Variants in CCPG1 observed in about 807,000 individuals in gnomAD.
CCPG1 encodes the protein cell cycle progression 1.
In CCPG1, 46 loss-of-function variants were observed where a neutral mutation model predicts 81.3. That is an observed-to-expected ratio of 0.57 (90% CI 0.45 to 0.72). CCPG1 has a LOEUF of 0.72. CCPG1 is among the 30% of genes least tolerant of loss of function. The pLI is 0.00. For missense variants in CCPG1, 902 were observed against 937.6 expected, an observed-to-expected ratio of 0.96 and a Z score of 0.50; for synonymous variants, 330 against 305.2, an observed-to-expected ratio of 1.08 and a Z score of -0.85.
chr15:55,378,420 ACTCT>A (rs773818317), intron 3 of CCPG1, 44 bp from the exon 4 acceptor site: 2 of 1,274,634 alleles, frequency 1.6e-6, no homozygotes, highest in Admixed American at 3.8e-5. Context: ...TTAATTTAAA[ACTCT>A]CTGTTGACTT....
At chr15:55,404,875 T>C (rs1182372142) in intron 1 of CCPG1, among the ~76,000 whole-genome samples, 2 of 152,108 alleles carry the variant, frequency 1.3e-5, no homozygotes, top group Admixed American at 6.5e-5. Flanking sequence ...ATCGAGACCA[T>C]CCTGGCCATT....
chr15:55,368,564 G>C (rs1185916965), intron 6 of CCPG1, among the ~76,000 whole-genome samples: 1 of 152,158 alleles, frequency 6.6e-6, no homozygotes, highest in Non-Finnish European at 1.5e-5. Context: ...CAAATCAATT[G>C]AACTCCATTG....
At position 55,360,490 on chromosome 15, in the gene CCPG1, CG is replaced by C. The variant is rs1566965839; in HGVS notation, c.1282del (p.Arg428GlyfsTer11). On this transcript the variant is annotated frameshift_variant, in exon 8 of 9. Transcript: ENST00000442196. LOFTEE classifies it high-confidence loss of function. ...CCGTTCCAGCTCAGTGAGTCTTTCC[CG>C]TAAGATTGCTATTTCCTTTTTTTCA... ...YTEKKEIAIL[R>X]ERLTELERKL... 1 of 1,614,056 alleles carries C rather than the reference CG, an allele frequency of 6.2e-7. No individual in the cohort carries two copies. Among genetic ancestry groups the C allele is most frequent in the Non-Finnish European group, 8.5e-7 (1 of 1,180,026 alleles).
chr15:55,386,278 T>C lies in CCPG1; in HGVS notation c.61-564A>G, dbSNP rs543955681. Reference sequence around the variant, plus strand: ...CCCATATGCAAATAACTACTTATTATGGCACTATAAACTAAAAATGGCTAA... The same window carrying C: ...CCCATATGCAAATAACTACTTATTACGGCACTATAAACTAAAAATGGCTAA... On this transcript the variant is annotated intron_variant, in intron 2 of 8. Coordinates refer to ENST00000442196, the MANE Select transcript of CCPG1 (RefSeq NM_001204450.2). 6.6e-5 allele frequency among the ~76,000 whole-genome samples: 10 copies of C among 152,170 alleles called. No individual in the cohort carries two copies. In the East Asian group the frequency reaches 1.7e-3, roughly 26 times the overall value.
intron 1 of CCPG1, among the ~76,000 whole-genome samples, chr15:55,391,893 G>GGGT (rs1193863893): frequency 8.9e-6 from 1 of 112,736 alleles, no homozygotes; most frequent in East Asian, 2.8e-4. Context: ...AAAAAGGGGG[G>GGGT]GGGGGGCTAG....
intron 5 of CCPG1, chr15:55,374,359 C>A (rs759206384): frequency 1.3e-5 from 7 of 532,276 alleles, no homozygotes; most frequent in African/African-American, 2.0e-5. Context: ...GTTATCCGTA[C>A]AAAATTAAAA....
At chr15:55,407,228 C>CAA (rs33932364) in intron 1 of CCPG1, among the ~76,000 whole-genome samples, 58,234 of 144,682 alleles carry the variant, frequency 0.4, 12,605 homozygotes, top group East Asian at 0.74. Context: ...AACCCTCTCT[C>CAA]AAAAAAAAAA....
rs780045988 is a variant in CCPG1 at position 55,371,830 on chromosome 15, C to T, written c.669G>A (p.Leu223=). ...CAAATCCCATGCTGATTGCAATCAC[C>T]AAAGCAAGTATAACACACTTATTGA... ...SGLNKCVILA[L]VIAISMGFGH... is the part of the protein sequence containing the mutation. The change falls in exon 6 of 9, where the codon TTG becomes TTA. Residue 223 remains leucine (L), a synonymous_variant. Coordinates refer to ENST00000442196, the MANE Select transcript of CCPG1 (RefSeq NM_001204450.2). 5.0e-6 allele frequency: 8 copies of T among 1,613,908 alleles called. No homozygotes were observed. In the Admixed American group the frequency reaches 5.0e-5, roughly 10 times the overall value.
Position 55,360,648 on chromosome 15 carries a change from C to G in CCPG1, c.1125G>C (p.Leu375=). Residue 375 remains leucine, a synonymous_variant, in exon 8 of 9, where the codon CTG becomes CTC. Transcript: ENST00000442196. ...KHSFLSQRET[L]LTEAKMLKRE... ...TCTTTAGCATCTTTGCTTCTGTCAA[C>G]AGAGTCTCCCTTTGACTAAGAAAGC... 1.9e-6 allele frequency: 3 copies of G among 1,614,146 alleles called. No individual in the cohort carries two copies. The highest frequency in any genetic ancestry group is 2.5e-6 in the Non-Finnish European group (3 of 1,180,030).
chr15:55,372,705 T>C (rs2056478338), intron 5 of CCPG1: 2 of 263,838 alleles, frequency 7.6e-6, no homozygotes, highest in Non-Finnish European at 1.5e-5. Context: ...ACAAGTATTA[T>C]TTCTGGAAAG....
At chr15:55,401,668 A>G (rs1312335238) in intron 1 of CCPG1, among the ~76,000 whole-genome samples, 1 of 104,868 alleles carries the variant, frequency 9.5e-6, no homozygotes, top group Non-Finnish European at 1.8e-5. Context: ...TCCGTCTCAA[A>G]AAAAAAAAAA....
chr15:55,387,918 G>A (rs866847884), intron 2 of CCPG1, among the ~76,000 whole-genome samples: 26 of 149,582 alleles, frequency 1.7e-4, no homozygotes, highest in Admixed American at 9.3e-4. Context: ...TTGGGAGGCC[G>A]AGGCGGGCGG....
intron 1 of CCPG1, chr15:55,398,083 G>C (rs1017431652): frequency 6.6e-6 from 1 of 152,136 alleles, no homozygotes; most frequent in Non-Finnish European, 1.5e-5. Flanking sequence ...TAGGCGTCTG[G>C]AGACTGAATT....
chr15:55,356,566 A>T (rs2141234913), intron 8 of CCPG1, 157 bp from the exon 9 acceptor site: 1 of 1,245,288 alleles, frequency 8.0e-7, no homozygotes, highest in Non-Finnish European at 1.0e-6. Flanking sequence ...ATAAAAATAA[A>T]GGAGTCTGTA....
At chr15:55,386,873 G>A (rs909431098) in intron 2 of CCPG1, among the ~76,000 whole-genome samples, 3 of 151,342 alleles carry the variant, frequency 2.0e-5, no homozygotes, top group Non-Finnish European at 4.4e-5. Context: ...CTCCAGCCTG[G>A]GCGACAGAGC....
chr15:55,382,883 A>ACCT (rs1309893826), intron 3 of CCPG1, among the ~76,000 whole-genome samples: 2 of 152,068 alleles, frequency 1.3e-5, no homozygotes, highest in Non-Finnish European at 2.9e-5. Flanking sequence ...AAAGTCTTGA[A>ACCT]CCACTCAAAG....
At chr15:55,398,264 A>T (rs897517347) in intron 1 of CCPG1, 5 of 152,138 alleles carry the variant, frequency 3.3e-5, no homozygotes, top group African/African-American at 1.2e-4. Flanking sequence ...GCTACATTTT[A>T]CTATGAAAAA....
intron 3 of CCPG1, among the ~76,000 whole-genome samples, chr15:55,380,268 AT>A: frequency 6.6e-6 from 1 of 150,990 alleles, no homozygotes; most frequent in South Asian, 2.1e-4. Flanking sequence ...TTTCCCTATC[AT>A]GAACATGCAT....
At chr15:55,404,144 T>C (rs963005495) in intron 1 of CCPG1, among the ~76,000 whole-genome samples, 3 of 152,036 alleles carry the variant, frequency 2.0e-5, no homozygotes, top group African/African-American at 7.3e-5. Flanking sequence ...GTAAAAAATA[T>C]TGAAAAGAAA....
Sources: gnomAD v4.1 joint callset for allele counts (sites outside exome capture counted in the v4.1 genomes callset) on GRCh38, gnomAD v4.1.1 for gene constraint, MANE v1.5 for transcripts, NCBI Gene and HGNC (gene_info 2026-07-23, HGNC 2026-07-21) for gene names.